ADAMTS17: variants seen among roughly 807,000 people sequenced by gnomAD.
The protein encoded by ADAMTS17 is ADAM metallopeptidase with thrombospondin type 1 motif 17.
ADAMTS17 carries 113 observed loss-of-function variants against 141.5 expected under a neutral mutation model. That is an observed-to-expected ratio of 0.80 (90% CI 0.69 to 0.93). The LOEUF (loss-of-function observed/expected upper bound fraction) is 0.93. Ranked by LOEUF, ADAMTS17 falls within the 40% of genes least tolerant of loss-of-function variation. ADAMTS17 has a pLI of 0.00. For synonymous variants in ADAMTS17, 768 were observed against 630.6 expected, an observed-to-expected ratio of 1.22 and a Z score of -3.27; for missense variants, 1,659 against 1,517.9, an observed-to-expected ratio of 1.09 and a Z score of -1.54.
At chr15:100,132,549 G>A (rs528519504) in intron 11 of ADAMTS17, among the ~76,000 whole-genome samples, 12 of 152,236 alleles carry the variant, frequency 7.9e-5, no homozygotes, top group African/African-American at 1.7e-4. Context: ...GCTGCTTGGC[G>A]ATGGCACAGC....
At chr15:100,209,133 A>AAAAG (rs2041699573) in intron 7 of ADAMTS17, among the ~76,000 whole-genome samples, 3 of 143,024 alleles carry the variant, frequency 2.1e-5, no homozygotes, top group African/African-American at 7.7e-5. Context: ...AAAAAAAAAA[A>AAAAG]GGAAGAAAGA....
rs551935240 is a variant in ADAMTS17, at chr15:100,161,161, C to T, written c.1182-5841G>A. Among the ~76,000 whole-genome samples, 6 of 152,276 alleles carry T rather than the reference C, an allele frequency of 3.9e-5. No individual in the cohort carries two copies. In the East Asian group the frequency reaches 1.2e-3, roughly 29 times the overall value. ...TTTTATCTTAAAATAACATGCTGCTCTGTATTTGTTTTGGGAGACACAAAG... is the reference window on the plus strand; with the variant it reads ...TTTTATCTTAAAATAACATGCTGCTTTGTATTTGTTTTGGGAGACACAAAG... On this transcript the variant is annotated intron_variant, in intron 8 of 21. Coordinates refer to ENST00000268070, the MANE Select transcript of ADAMTS17 (RefSeq NM_139057.4).
intron 14 of ADAMTS17, among the ~76,000 whole-genome samples, chr15:100,098,027 G>C (rs889831927): frequency 6.6e-6 from 1 of 152,168 alleles, no homozygotes; most frequent in Admixed American, 6.5e-5. Context: ...CTGAAAAAGG[G>C]CAGAGCTTGA....
At chr15:100,264,810 T>TG (rs938217687) in intron 4 of ADAMTS17, among the ~76,000 whole-genome samples, 3 of 151,342 alleles carry the variant, frequency 2.0e-5, no homozygotes, top group East Asian at 1.9e-4. Context: ...TTCCAGGGGC[T>TG]GGGGGGAGGC....
chr15:100,341,070 G>C lies in ADAMTS17; in HGVS notation c.419C>G (p.Ser140Trp). The change falls in exon 2 of 22, where the codon TCG (serine) becomes TGG (tryptophan). Residue 140 changes from serine (S) to tryptophan (W), a missense_variant. Transcript: ENST00000268070. ...RVLGHPGSLVSLSACGAAGGL... is the reference protein window; with the variant it reads ...RVLGHPGSLVWLSACGAAGGL... ...GCCGGCGGCGCCGCAGGCGCTGAGC[G>C]AGACGAGGGAGCCGGGGTGGCCGAG... 1.3e-6 allele frequency: 2 copies of C among 1,522,700 alleles called. No homozygotes were observed. Among genetic ancestry groups the C allele is most frequent in the Non-Finnish European group, 1.8e-6 (2 of 1,140,316 alleles). 94.3% of individuals were successfully genotyped at this position (1,522,700 alleles called of 1,614,324 possible).
chr15:100,258,037 G>A (rs76364432), intron 6 of ADAMTS17, among the ~76,000 whole-genome samples: 10,136 of 152,238 alleles, frequency 0.067, 546 homozygotes, highest in African/African-American at 0.15. Flanking sequence ...ATGTTGTAGC[G>A]CGTGTCACAA....
At chr15:100,151,248 C>T (rs1475999967) in intron 10 of ADAMTS17, among the ~76,000 whole-genome samples, 1 of 152,216 alleles carries the variant, frequency 6.6e-6, no homozygotes, top group Non-Finnish European at 1.5e-5. Flanking sequence ...AGCAGCACTA[C>T]AGTGTGGATA....
At chr15:100,099,709 A>C (rs147250255) in intron 14 of ADAMTS17, among the ~76,000 whole-genome samples, 3 of 152,348 alleles carry the variant, frequency 2.0e-5, no homozygotes, top group African/African-American at 7.2e-5. Flanking sequence ...ACCAAGGAAC[A>C]ATGTCCCACG....
intron 8 of ADAMTS17, among the ~76,000 whole-genome samples, chr15:100,192,577 G>T (rs560410720): frequency 1.1e-4 from 16 of 152,174 alleles, no homozygotes; most frequent in African/African-American, 3.6e-4. Context: ...TGCCTACTAG[G>T]TGGAGCACTC....
chr15:100,233,886 G>A (rs899557729), intron 7 of ADAMTS17, among the ~76,000 whole-genome samples: 1 of 152,154 alleles, frequency 6.6e-6, no homozygotes, highest in African/African-American at 2.4e-5. Flanking sequence ...ACCAGGAAGA[G>A]AGGTTGGCAG....
At chr15:100,011,092 C>G (rs1329661346) in intron 18 of ADAMTS17, among the ~76,000 whole-genome samples, 1 of 151,462 alleles carries the variant, frequency 6.6e-6, no homozygotes, top group African/African-American at 2.4e-5. Flanking sequence ...ACTGAGAAAC[C>G]ACTTTCAGCC....
chr15:100,206,125 C>T (rs971601329), intron 7 of ADAMTS17, among the ~76,000 whole-genome samples: 11 of 152,216 alleles, frequency 7.2e-5, no homozygotes, highest in Admixed American at 2.6e-4. Context: ...CGGGCGGCAC[C>T]GTGAATGCAG....
chr15:100,185,213 T>C (rs1370702864), intron 8 of ADAMTS17, among the ~76,000 whole-genome samples: 5 of 152,170 alleles, frequency 3.3e-5, no homozygotes, highest in African/African-American at 4.8e-5. Flanking sequence ...TGCCTCAGTT[T>C]CCCTACCTGT....
At chr15:100,177,137 T>C (rs2040366475) in intron 8 of ADAMTS17, among the ~76,000 whole-genome samples, 1 of 152,226 alleles carries the variant, frequency 6.6e-6, no homozygotes, top group Admixed American at 6.5e-5. Flanking sequence ...TGCACAACAG[T>C]GCAATTGCTG....
intron 15 of ADAMTS17, among the ~76,000 whole-genome samples, chr15:100,082,893 T>C (rs1203579845): frequency 3.3e-4 from 50 of 151,986 alleles, no homozygotes; most frequent in Non-Finnish European, 1.5e-5. Context: ...ACTCTCAGGA[T>C]TGGCTTTCTG....
At chr15:99,976,484 T>A in intron 20 of ADAMTS17, 1 of 595,768 alleles carries the variant, frequency 1.7e-6, no homozygotes. Flanking sequence ...CCCAGGCACT[T>A]GCAATCATTC....
chr15:100,019,326 A>G (rs1035775633), intron 18 of ADAMTS17, among the ~76,000 whole-genome samples: 1 of 152,208 alleles, frequency 6.6e-6, no homozygotes, highest in African/African-American at 2.4e-5. Flanking sequence ...GGGAGGGTCA[A>G]AAAGGACTTC....
intron 3 of ADAMTS17, among the ~76,000 whole-genome samples, chr15:100,298,082 G>A (rs1037101130): frequency 3.3e-5 from 5 of 152,112 alleles, no homozygotes; most frequent in East Asian, 1.9e-4. Flanking sequence ...AGATGCAGGC[G>A]AAAACCAGAC....
At chr15:100,058,269 CCTATCCCGGCTCTAACCCT>C (rs1280844751) in intron 15 of ADAMTS17, among the ~76,000 whole-genome samples, 17,010 of 125,870 alleles carry the variant, frequency 0.14, 143 homozygotes, top group Non-Finnish European at 0.19. Context: ...CTCTGACACC[CCTATCCCGGCTCTAACCCT>C]CCTATCCCGG....
Sources: gnomAD v4.1 joint callset for allele counts (sites outside exome capture counted in the v4.1 genomes callset) on GRCh38, gnomAD v4.1.1 for gene constraint, MANE v1.5 for transcripts, NCBI Gene and HGNC (gene_info 2026-07-23, HGNC 2026-07-21) for gene names.